Variants in CAMTA1 observed in about 807,000 individuals in gnomAD.
CAMTA1 encodes calmodulin binding transcription activator 1, also known as calmodulin-binding transcription activator 1.
Under a neutral mutation model 170.9 loss-of-function variants are expected in CAMTA1, and 27 were observed. That is an observed-to-expected ratio of 0.16 (90% CI 0.12 to 0.22). The LOEUF is 0.22. Ranked by LOEUF, CAMTA1 falls within the 10% of genes least tolerant of loss-of-function variation. CAMTA1 has a pLI of 1.00. For missense variants in CAMTA1, 1,619 were observed against 2,217.2 expected (o/e 0.73, Z 5.42); for synonymous variants, 833 against 891.5 (o/e 0.93, Z 1.17).
intron 6 of CAMTA1, among the ~76,000 whole-genome samples, chr1:7,488,208 T>G (rs2093643092): frequency 6.6e-6 from 1 of 152,134 alleles, no homozygotes; most frequent in Admixed American, 6.5e-5. Context: ...TCCCAGGAGC[T>G]CTCAGGTGAC....
chr1:7,077,225 T>TG (rs34370267), intron 3 of CAMTA1, among the ~76,000 whole-genome samples: 1 of 82,670 alleles, frequency 1.2e-5, no homozygotes, highest in Non-Finnish European at 2.5e-5. Context: ...TAAGGAAAGG[T>TG]TTTTTTTTTT....
At chr1:6,827,520 C>T (rs1040390165) in intron 3 of CAMTA1, among the ~76,000 whole-genome samples, 3 of 151,400 alleles carry the variant, frequency 2.0e-5, no homozygotes, top group South Asian at 2.1e-4. Flanking sequence ...TGTTATGTGG[C>T]GATGATAACC....
At chr1:7,675,885 T>C (rs897934700) in intron 10 of CAMTA1, among the ~76,000 whole-genome samples, 3 of 152,204 alleles carry the variant, frequency 2.0e-5, no homozygotes, top group Non-Finnish European at 4.4e-5. Flanking sequence ...AGGTCCCCTC[T>C]GCTCCGTCTC....
intron 5 of CAMTA1, among the ~76,000 whole-genome samples, chr1:7,354,888 C>T (rs140823988): frequency 1.5e-3 from 235 of 152,112 alleles, no homozygotes; most frequent in Non-Finnish European, 2.5e-3. Flanking sequence ...AAATCTCCAT[C>T]GGATGTATGC....
chr1:7,062,149 C>T (rs1176220910), intron 3 of CAMTA1, among the ~76,000 whole-genome samples: 1 of 152,064 alleles, frequency 6.6e-6, no homozygotes, highest in African/African-American at 2.4e-5. Flanking sequence ...AACTCCTGAC[C>T]TCAGGCGATC....
chr1:7,559,909 C>T (rs182577247), intron 6 of CAMTA1, among the ~76,000 whole-genome samples: 25 of 152,170 alleles, frequency 1.6e-4, no homozygotes, highest in Admixed American at 1.2e-3. Context: ...AGACTCGCAG[C>T]GAGTTTCCGG....
At position 7,044,867 on chromosome 1, in the gene CAMTA1, C is replaced by G. The variant is rs982633921; in HGVS notation, c.235-46437C>G. ...CATTCCTGTCTGCCAGCAGTGCCTCCTCTCCCCATTAACATCCCGCCATTT... is the reference window on the plus strand; with the variant it reads ...CATTCCTGTCTGCCAGCAGTGCCTCGTCTCCCCATTAACATCCCGCCATTT... On this transcript the variant is annotated intron_variant, in intron 3 of 22. Transcript: ENST00000303635. The surrounding 1 kb of genome is among the most constrained non-coding windows in gnomAD (Gnocchi z 5.0). 7.3e-4 allele frequency among the ~76,000 whole-genome samples: 107 copies of G among 145,958 alleles called. No individual in the cohort carries two copies. The highest frequency in any genetic ancestry group is 2.6e-3 in the African/African-American group (101 of 38,718).
chr1:7,227,941 G>A (rs914607357), intron 4 of CAMTA1, among the ~76,000 whole-genome samples: 7 of 139,908 alleles, frequency 5.0e-5, no homozygotes, highest in Admixed American at 1.4e-4. Flanking sequence ...GGCTGGCAGC[G>A]CTTTGTCCCT....
At chr1:7,051,766 A>G (rs1706403679) in intron 3 of CAMTA1, among the ~76,000 whole-genome samples, 1 of 144,696 alleles carries the variant, frequency 6.9e-6, no homozygotes. Flanking sequence ...TCTGGATTGT[A>G]TTCATTCGAA....
chr1:6,876,380 A>G (rs1669888316), intron 3 of CAMTA1, among the ~76,000 whole-genome samples: 1 of 146,772 alleles, frequency 6.8e-6, no homozygotes, highest in Non-Finnish European at 1.5e-5. Flanking sequence ...TTTTTTTTTG[A>G]GACGGAGTTT....
chr1:6,858,539 G>A (rs1663383966), intron 3 of CAMTA1, among the ~76,000 whole-genome samples: 2 of 150,920 alleles, frequency 1.3e-5, no homozygotes, highest in Admixed American at 6.6e-5. Context: ...CAGTTTAGCC[G>A]GCATTATACT....
Position 7,570,828 on chromosome 1 carries a change from C to T in CAMTA1, c.511-69572C>T, listed in dbSNP as rs891902784. Among the ~76,000 whole-genome samples, 4 of 152,172 alleles carry T rather than the reference C, an allele frequency of 2.6e-5. No individual in the cohort carries two copies. Among genetic ancestry groups the T allele is most frequent in the Admixed American group, 6.5e-5 (1 of 15,280 alleles). The stretch of plus-strand genomic sequence containing the variant: ...CGAGGATGGGGATAGGGTACGGAGA[C>T]TGGAGAGAGCCTGGGAGTCAGAATC... On this transcript the variant is annotated intron_variant, in intron 6 of 22. Coordinates refer to ENST00000303635, the MANE Select transcript of CAMTA1 (RefSeq NM_015215.4). The surrounding 1 kb of genome is among the most constrained non-coding windows in gnomAD (Gnocchi z 4.3).
intron 3 of CAMTA1, among the ~76,000 whole-genome samples, chr1:7,086,531 C>G (rs879389457): frequency 6.6e-6 from 1 of 152,168 alleles, no homozygotes; most frequent in Non-Finnish European, 1.5e-5. Flanking sequence ...TTCATCACCC[C>G]AGAAGGAAAC....
At chr1:7,129,205 G>A (rs976154943) in intron 4 of CAMTA1, among the ~76,000 whole-genome samples, 2 of 152,100 alleles carry the variant, frequency 1.3e-5, no homozygotes, top group African/African-American at 4.8e-5. Flanking sequence ...GTATGTGGAA[G>A]GACTTGCCAT....
At chr1:6,792,604 G>T (rs1261176620) in intron 1 of CAMTA1, among the ~76,000 whole-genome samples, 1 of 151,822 alleles carries the variant, frequency 6.6e-6, no homozygotes. Flanking sequence ...CATTTACTTC[G>T]AACTGATTGA....
At chr1:6,914,838 C>T (rs998915496) in intron 3 of CAMTA1, among the ~76,000 whole-genome samples, 3 of 152,204 alleles carry the variant, frequency 2.0e-5, no homozygotes, top group African/African-American at 2.4e-5. Context: ...CCCAGAAACA[C>T]GTTTTTGTCT....
intron 5 of CAMTA1, among the ~76,000 whole-genome samples, chr1:7,296,964 G>A (rs1674044984): frequency 6.6e-6 from 1 of 152,212 alleles, no homozygotes; most frequent in African/African-American, 2.4e-5. Context: ...TGACCTGGAA[G>A]CCAGGTGAAG....
intron 11 of CAMTA1, among the ~76,000 whole-genome samples, chr1:7,700,039 AATTT>A (rs2096421651): frequency 6.6e-6 from 1 of 152,092 alleles, no homozygotes; most frequent in South Asian, 2.1e-4. Flanking sequence ...GATAATGTTC[AATTT>A]ATTTATTTTT....
intron 6 of CAMTA1, among the ~76,000 whole-genome samples, chr1:7,505,795 C>T (rs576434144): frequency 5.3e-5 from 8 of 152,284 alleles, no homozygotes; most frequent in African/African-American, 7.2e-5. Flanking sequence ...CAGTCTGGGA[C>T]GGTCTTGGGT....
Sources: allele counts gnomAD v4.1 joint callset (sites outside exome capture counted in the v4.1 genomes callset), GRCh38; gene constraint gnomAD v4.1.1; non-coding constraint Gnocchi (gnomAD v3.1); transcripts MANE v1.5; gene names NCBI Gene and HGNC (gene_info 2026-07-23, HGNC 2026-07-21).